Variants in CLASP2 observed in about 807,000 individuals in gnomAD.
CLASP2 encodes the protein CLIP-associating protein 2.
A neutral mutation model predicts 194.4 loss-of-function variants in CLASP2; 47 were observed. The observed-to-expected ratio is 0.24, with a 90% CI of 0.19 to 0.31. The LOEUF is 0.31. Ranked by LOEUF, CLASP2 falls within the 10% of genes least tolerant of loss-of-function variation. The pLI is 1.00. For synonymous variants in CLASP2, 619 were observed against 633.5 expected (o/e 0.98, Z 0.34); for missense variants, 1,445 against 1,823.6 (o/e 0.79, Z 3.78).
At chr3:33,651,121 A>G (rs9838471) in intron 7 of CLASP2, among the ~76,000 whole-genome samples, 11,056 of 152,164 alleles carry the variant, frequency 0.073, 1,083 homozygotes, top group African/African-American at 0.23. Flanking sequence ...AGTGGTTCAC[A>G]TCTGTAATCC....
intron 36 of CLASP2, among the ~76,000 whole-genome samples, chr3:33,511,490 C>A (rs541314991): frequency 6.6e-6 from 1 of 152,150 alleles, no homozygotes; most frequent in Non-Finnish European, 1.5e-5. Context: ...AGTCCTTGAG[C>A]CCTCTGTATC....
At chr3:33,678,842 C>T (rs2154342088) in intron 6 of CLASP2, among the ~76,000 whole-genome samples, 1 of 152,308 alleles carries the variant, frequency 6.6e-6, no homozygotes, top group Middle Eastern at 3.4e-3. Context: ...GTCAGTTCTT[C>T]CCAACTTGAT....
At chr3:33,555,566 C>T (rs1324441336) in intron 29 of CLASP2, among the ~76,000 whole-genome samples, 4 of 151,952 alleles carry the variant, frequency 2.6e-5, no homozygotes, top group African/African-American at 4.8e-5. Flanking sequence ...TGGGGTTTTG[C>T]CATGTTGCCC....
intron 1 of CLASP2, among the ~76,000 whole-genome samples, chr3:33,703,317 G>T (rs573911995): frequency 6.6e-6 from 1 of 152,286 alleles, no homozygotes; most frequent in East Asian, 1.9e-4. Flanking sequence ...CACCAAAAAA[G>T]ATGTAAGATA....
chr3:33,587,667 C>G (rs1044748683), intron 21 of CLASP2, among the ~76,000 whole-genome samples: 1 of 152,142 alleles, frequency 6.6e-6, no homozygotes, highest in East Asian at 1.9e-4. Context: ...TTGAATGTTT[C>G]ATGATGTTTC....
rs1206010372 is a variant in CLASP2 at position 33,717,989 on chromosome 3, C to A, written c.14G>T (p.Ser5Ile). MEPRSMEYFCAQVQQ... is the reference protein window; with the variant it reads MEPRIMEYFCAQVQQ... ...CACCTGGGCGCAGAAGTACTCCATG[C>A]TGCGGGGCTCCATGGCTGCGGCCGC... is the stretch of plus-strand genomic sequence containing the variant. Residue 5 changes from serine (S) to isoleucine (I), a missense_variant, in exon 1 of 39, where the codon AGC becomes ATC. Physicochemically the swap from Ser to Ile is moderately radical, Grantham distance 142. Transcript: ENST00000682230. The A allele has an allele frequency of 8.6e-6, 13 of 1,504,658 alleles. No individual in the cohort carries two copies. The Admixed American group carries it at 2.5e-4, about 29-fold the overall frequency. The allele number at this position is 1,504,658 out of a possible 1,614,324, so 93.2% of individuals were successfully genotyped here.
chr3:33,588,594 T>C, intron 21 of CLASP2: 1 of 601,366 alleles, frequency 1.7e-6, no homozygotes, highest in South Asian at 2.1e-5. Context: ...CCAGTATGAC[T>C]ACAAATGATA....
At chr3:33,520,766 T>G (rs1435221397) in intron 34 of CLASP2, among the ~76,000 whole-genome samples, 2 of 151,768 alleles carry the variant, frequency 1.3e-5, no homozygotes, top group African/African-American at 4.8e-5. Context: ...AGAATGGAAC[T>G]ACTAGTGTAA....
intron 9 of CLASP2, among the ~76,000 whole-genome samples, chr3:33,630,064 G>C (rs963585376): frequency 7.9e-5 from 12 of 152,134 alleles, no homozygotes; most frequent in African/African-American, 2.7e-4. Context: ...CTTTGGAAAC[G>C]TAACGGTAAC....
At chr3:33,539,341 CT>C (rs1043971569) in intron 32 of CLASP2, among the ~76,000 whole-genome samples, 3 of 150,822 alleles carry the variant, frequency 2.0e-5, no homozygotes, top group Non-Finnish European at 3.0e-5. Context: ...TAAATTTTTT[CT>C]TTTTTTTTGG....
intron 6 of CLASP2, among the ~76,000 whole-genome samples, chr3:33,676,675 A>G (rs1433326916): frequency 1.3e-5 from 2 of 152,224 alleles, no homozygotes; most frequent in Non-Finnish European, 2.9e-5. Context: ...ACCAAAAACT[A>G]TGGCAACAAA....
At chr3:33,626,700 C>T (rs1229142225) in intron 10 of CLASP2, among the ~76,000 whole-genome samples, 1 of 152,096 alleles carries the variant, frequency 6.6e-6, no homozygotes, top group Non-Finnish European at 1.5e-5. Flanking sequence ...CACAGAAAGG[C>T]TAAAGCCCTC....
At chr3:33,685,535 G>C (rs2090552580) in intron 5 of CLASP2, among the ~76,000 whole-genome samples, 1 of 151,842 alleles carries the variant, frequency 6.6e-6, no homozygotes, top group South Asian at 2.1e-4. Flanking sequence ...ATTCACAACA[G>C]CCAAATGTGG....
intron 8 of CLASP2, among the ~76,000 whole-genome samples, chr3:33,632,861 G>T (rs1329844380): frequency 6.6e-6 from 1 of 152,076 alleles, no homozygotes; most frequent in Non-Finnish European, 1.5e-5. Context: ...AACTTAGTAG[G>T]CAGTAGTTAT....
rs2088821983 is a variant in CLASP2, at chr3:33,677,088, AC to A, written c.644+7270del. ...GGAGAGGATGTGGAGAAATAGGAAC[AC>A]TTTTACACTGTTGGTGGGACTGTAA... On this transcript the variant is annotated intron_variant, in intron 6 of 38. Coordinates refer to ENST00000682230, the MANE Select transcript of CLASP2 (RefSeq NM_001365631.1). Among the ~76,000 whole-genome samples, 4 of 151,918 alleles carry A rather than the reference AC, an allele frequency of 2.6e-5. No homozygotes were observed. In the South Asian group the frequency reaches 8.3e-4, roughly 32 times the overall value.
In CLASP2 at chr3:33,717,667, C is replaced by A. The variant is rs1185555994; in HGVS notation, c.195+141G>T. On this transcript the variant is annotated intron_variant, in intron 1 of 38. Transcript: ENST00000682230. ...GTCTCGAACTCCTGACCTCGTGATC[C>A]GCCCGCCTGTGCTTCCCAAAGTGTG... The A allele has an allele frequency of 1.4e-5, 12 of 886,874 alleles. No individual in the cohort carries two copies. The African/African-American group carries it at 2.0e-4, about 15-fold the overall frequency. 54.9% of individuals were successfully genotyped at this position (886,874 alleles called of 1,614,324 possible).
intron 22 of CLASP2, among the ~76,000 whole-genome samples, chr3:33,582,226 C>T (rs909477716): frequency 1.3e-5 from 2 of 152,116 alleles, no homozygotes; most frequent in East Asian, 3.8e-4. Flanking sequence ...TCTCTTTGTT[C>T]ACTGAACTAT....
Position 33,513,015 on chromosome 3 carries a change from A to C in CLASP2, c.4111-2251T>G, listed in dbSNP as rs181481829. On this transcript the variant is annotated intron_variant, in intron 36 of 38. Transcript: ENST00000682230. ...AAAAACCAACCAACCAACCAACCAA[A>C]CAAACAAAAAACAAGAAAATACACT... 2.6e-3 allele frequency among the ~76,000 whole-genome samples: 399 copies of C among 151,958 alleles called. 2 individuals carry two copies. The highest frequency in any genetic ancestry group is 8.7e-3 in the South Asian group (42 of 4,816).
rs2063530009 is a variant in CLASP2, at chr3:33,570,501, T to C, written c.2763+226A>G. 9.2e-5 allele frequency among the ~76,000 whole-genome samples: 14 copies of C among 152,246 alleles called. No individual in the cohort carries two copies. The South Asian group carries it at 2.7e-3, about 29-fold the overall frequency. ...TTGACTAAATTACTTGAGTTGTAAC[T>C]GTATCCCCTTTATTTCAGTCTTAGA... is the stretch of plus-strand genomic sequence containing the variant. On this transcript the variant is annotated intron_variant, in intron 26 of 38. Transcript: ENST00000682230.
Sources: gnomAD v4.1 joint callset for allele counts (sites outside exome capture counted in the v4.1 genomes callset) on GRCh38, gnomAD v4.1.1 for gene constraint, MANE v1.5 for transcripts, NCBI Gene and HGNC (gene_info 2026-07-23, HGNC 2026-07-21) for gene names.